Variants in CASK observed in about 807,000 individuals in gnomAD.
CASK encodes the protein calcium/calmodulin dependent serine protein kinase.
Under a neutral mutation model 82.9 loss-of-function variants are expected in CASK, and 4 were observed. The observed-to-expected ratio is 0.05, with a 90% CI of 0.02 to 0.11. CASK has a LOEUF of 0.11. Ranked by LOEUF, CASK falls within the 10% of genes least tolerant of loss-of-function variation. The pLI, the probability that CASK is intolerant of heterozygous loss-of-function variation, is 1.00. For missense variants in CASK, 358 were observed against 720.9 expected (o/e 0.50, Z 5.76); for synonymous variants, 259 against 253.5 (o/e 1.02, Z -0.20).
intron 11 of CASK, among the ~76,000 whole-genome samples, chrX:41,612,561 G>A (rs865916537): frequency 2.6e-4 from 26 of 101,322 alleles, no homozygotes; most frequent in African/African-American, 6.9e-4. Context: ...CAGCCGCCCC[G>A]TCCGGGAGGT....
chrX:41,747,245 A>C (rs2068700966), intron 3 of CASK, among the ~76,000 whole-genome samples: 1 of 110,873 alleles, frequency 9.0e-6, no homozygotes, highest in Non-Finnish European at 1.9e-5. Flanking sequence ...TCTTCTCCAA[A>C]ATAATGTTTA....
chrX:41,771,345 C>A (rs1159887889), intron 3 of CASK, among the ~76,000 whole-genome samples: 9 of 111,701 alleles, frequency 8.1e-5, no homozygotes, highest in Non-Finnish European at 3.8e-5. Flanking sequence ...TTGCATCCAG[C>A]AGACTGACAC....
intron 25 of CASK, among the ~76,000 whole-genome samples, chrX:41,526,814 G>A (rs2064720376): frequency 9.0e-6 from 1 of 110,995 alleles, no homozygotes; most frequent in Non-Finnish European, 1.9e-5. Flanking sequence ...CTTTATTATT[G>A]TACTTTCAAA....
At chrX:41,693,898 C>G (rs1360656210) in intron 5 of CASK, among the ~76,000 whole-genome samples, 1 of 111,639 alleles carries the variant, frequency 9.0e-6, no homozygotes, top group East Asian at 2.8e-4. Context: ...TTAATGTTAC[C>G]CTCTACCAAA....
intron 13 of CASK, 54 bp from the exon 14 acceptor site, chrX:41,587,041 A>G: frequency 1.4e-6 from 1 of 716,018 alleles, no homozygotes. Context: ...GATTTACAAA[A>G]TGTTAAATTC....
chrX:41,549,753 T>C (rs896672469), intron 21 of CASK, among the ~76,000 whole-genome samples: 17 of 109,038 alleles, frequency 1.6e-4, no homozygotes, highest in Non-Finnish European at 3.8e-5. Context: ...GATAGGGGGA[T>C]TGCTTGAATC....
chrX:41,555,436 T>C (rs936303163), intron 20 of CASK, among the ~76,000 whole-genome samples, 164 bp downstream of exon 20: 3 of 111,910 alleles, frequency 2.7e-5, no homozygotes. Context: ...AAATTCTTTA[T>C]AGAGAATTAG....
At chrX:41,890,497 TA>T (rs1049978155) in intron 1 of CASK, among the ~76,000 whole-genome samples, 5 of 110,817 alleles carry the variant, frequency 4.5e-5, no homozygotes, top group African/African-American at 1.6e-4. Context: ...AAAAACAAAA[TA>T]AATTTCAGAT....
chrX:41,661,904 T>G lies in CASK; in HGVS notation c.709-1343A>C, dbSNP rs2067040225. Among the ~76,000 whole-genome samples the G allele has an allele frequency of 1.8e-5, 2 of 110,831 alleles. 1 individual carries two copies. Among genetic ancestry groups the G allele is most frequent in the Non-Finnish European group, 3.8e-5 (2 of 53,003 alleles). ...GGTAAGTGATTAGACAGGGCTTGGG[T>G]AGACTTGTTTCCTCTCCCTATCCTG... On this transcript the variant is annotated intron_variant, in intron 7 of 26. Coordinates refer to ENST00000378163, the MANE Select transcript of CASK (RefSeq NM_001367721.1).
intron 5 of CASK, chrX:41,695,760 G>A: frequency 1.7e-6 from 2 of 1,209,468 alleles, no homozygotes; most frequent in South Asian, 1.8e-5. Flanking sequence ...AACACCAAAT[G>A]TTACTACCTG....
chrX:41,659,504 G>A (rs1486942967), intron 8 of CASK, among the ~76,000 whole-genome samples: 3 of 110,627 alleles, frequency 2.7e-5, no homozygotes, highest in Non-Finnish European at 5.7e-5. Context: ...GAGATTACAG[G>A]CATGAGCCAC....
intron 5 of CASK, among the ~76,000 whole-genome samples, chrX:41,694,039 T>C: frequency 8.9e-6 from 1 of 112,118 alleles, no homozygotes. Flanking sequence ...AGGGTTTGAA[T>C]GTCCACTCCT....
chrX:41,804,892 CACTT>C (rs997734841), intron 2 of CASK, among the ~76,000 whole-genome samples: 17 of 111,449 alleles, frequency 1.5e-4, no homozygotes, highest in Admixed American at 1.2e-3. Context: ...TTAAAATAGA[CACTT>C]AAGCATTACC....
At chrX:41,625,182 A>ATTT (rs1300997872) in intron 10 of CASK, among the ~76,000 whole-genome samples, 15 of 94,911 alleles carry the variant, frequency 1.6e-4, no homozygotes, top group Non-Finnish European at 2.1e-4. Context: ...TTATCTCTTA[A>ATTT]TTTTTTTTTT....
At chrX:41,609,851 C>A in intron 12 of CASK, 53 bp downstream of exon 12, 1 of 1,190,151 alleles carries the variant, frequency 8.4e-7, no homozygotes, top group Non-Finnish European at 1.1e-6. Flanking sequence ...GCCACCGTGC[C>A]CGGCCAATAT....
chrX:41,914,345 A>G (rs2072633676), intron 1 of CASK, among the ~76,000 whole-genome samples: 1 of 112,685 alleles, frequency 8.9e-6, no homozygotes, highest in Admixed American at 9.4e-5. Flanking sequence ...AGATTGGGAG[A>G]AAAAACAATG....
chrX:41,735,735 A>G (rs939967603), intron 5 of CASK, among the ~76,000 whole-genome samples: 11 of 110,116 alleles, frequency 1.0e-4, no homozygotes, highest in Non-Finnish European at 1.9e-4. Context: ...CGGTCTTTGC[A>G]CTGGCTGTTC....
intron 3 of CASK, among the ~76,000 whole-genome samples, chrX:41,775,578 A>C (rs1276573352): frequency 1.9e-5 from 2 of 105,774 alleles, no homozygotes; most frequent in Non-Finnish European, 3.9e-5. Context: ...ATAAAGACAC[A>C]TGCACACGTA....
At chrX:41,628,534 C>T (rs1404700494) in intron 9 of CASK, among the ~76,000 whole-genome samples, 1 of 111,368 alleles carries the variant, frequency 9.0e-6, no homozygotes, top group African/African-American at 3.3e-5. Context: ...TGAACTCCTG[C>T]GCTCAAGTGA....
Sources: allele counts gnomAD v4.1 joint callset (sites outside exome capture counted in the v4.1 genomes callset), GRCh38; gene constraint gnomAD v4.1.1; transcripts MANE v1.5; gene names NCBI Gene and HGNC (gene_info 2026-07-23, HGNC 2026-07-21).